Variants in PCDHA2 observed in about 807,000 individuals in gnomAD.
PCDHA2 encodes protocadherin alpha 2.
PCDHA2 carries 58 observed loss-of-function variants against 66.0 expected under a neutral mutation model. The observed-to-expected ratio is 0.88, with a 90% CI of 0.71 to 1.09. PCDHA2 has a LOEUF of 1.09. Among genes scored for constraint, PCDHA2 ranks in the 50% least tolerant of loss-of-function variants. The probability of loss-of-function intolerance (pLI) is 0.00; values close to 1 mark genes in which losing one functional copy is unlikely to be tolerated. For missense variants in PCDHA2, 1,267 were observed against 1,242.3 expected (o/e 1.02, Z -0.30); for synonymous variants, 634 against 554.0 (o/e 1.14, Z -2.03).
rs2150150437 is a variant in PCDHA2, at chr5:140,828,053, G to A, written c.2388+30701G>A. ...ACATACAGTATTTTATCTTTATGCG[G>A]AAGATCTTCTAATGGAAATAAAACC... On this transcript the variant is annotated intron_variant, in intron 1 of 3. Transcript: ENST00000526136. 4,837 of 1,547,680 alleles carry A rather than the reference G, an allele frequency of 3.1e-3. 12 individuals are homozygous for A. The highest frequency in any genetic ancestry group is 4.7e-3 in the Admixed American group (229 of 48,892).
At position 140,998,856 on chromosome 5, in the gene PCDHA2, C is replaced by T. The variant is rs77103467; in HGVS notation, c.2537-10771C>T. 2.6e-3 allele frequency among the ~76,000 whole-genome samples: 397 copies of T among 152,354 alleles called. 2 individuals carry two copies. Among genetic ancestry groups the T allele is most frequent in the African/African-American group, 9.1e-3 (380 of 41,584 alleles). ...TGGATTACTGGTGTGAGCCACATGC[C>T]TGGCCTTGTAAATAATAAGTTTAGT... On this transcript the variant is annotated intron_variant, in intron 3 of 3. Coordinates refer to ENST00000526136, the MANE Select transcript of PCDHA2 (RefSeq NM_018905.3).
intron 1 of PCDHA2, chr5:140,875,560 C>G: frequency 6.2e-7 from 1 of 1,614,124 alleles, no homozygotes; most frequent in Non-Finnish European, 8.5e-7. Context: ...GGGGAGCGGC[C>G]AGCTCCACTA....
intron 1 of PCDHA2, chr5:140,870,270 G>C (rs139719896): frequency 0.022 from 34,719 of 1,614,158 alleles, 446 homozygotes; most frequent in African/African-American, 0.029. Flanking sequence ...GCTCGCTGAC[G>C]CCCCACGTTC....
At position 140,881,209 on chromosome 5, in the gene PCDHA2, G is replaced by C. The variant is rs74494049; in HGVS notation, c.2388+83857G>C. The C allele has an allele frequency of 3.6e-3, 703 of 194,982 alleles. 1 individual carries two copies. The highest frequency in any genetic ancestry group is 0.016 in the African/African-American group (679 of 42,430). 12.1% of individuals were successfully genotyped at this position (194,982 alleles called of 1,614,324 possible). On this transcript the variant is annotated intron_variant, in intron 1 of 3. Transcript: ENST00000526136. Reference sequence around the variant, plus strand: ...GATATGTTAACATCTTTGTCTAGCTGTTGTTTCTTGGAAAATTAAAGTCAA... The same window carrying C: ...GATATGTTAACATCTTTGTCTAGCTCTTGTTTCTTGGAAAATTAAAGTCAA...
In PCDHA2 at chr5:140,973,293, A is replaced by G. The variant is rs150966135; in HGVS notation, c.2389-5656A>G. Among the ~76,000 whole-genome samples, 103 of 152,230 alleles carry G rather than the reference A, an allele frequency of 6.8e-4. No homozygotes were observed. The East Asian group carries it at 0.019, about 27-fold the overall frequency. On this transcript the variant is annotated intron_variant, in intron 1 of 3. Transcript: ENST00000526136. ...TATTTCCCCCAGCACTGATTTTTCT[A>G]TCTGATGACTCTATCCTGGAACAGA...
intron 1 of PCDHA2, among the ~76,000 whole-genome samples, chr5:140,893,672 T>G (rs1554185735): frequency 6.6e-6 from 1 of 152,216 alleles, no homozygotes; most frequent in African/African-American, 2.4e-5. Flanking sequence ...ATTTCAGCAC[T>G]TTGGATATAT....
chr5:140,982,696 A>G lies in PCDHA2; in HGVS notation c.2536+133A>G. ...GTTATTCCCTTTTTTCCATACATAC[A>G]TGATTTCCTTACATATATGATTATT... On this transcript the variant is annotated intron_variant, in intron 3 of 3. Transcript: ENST00000526136. 2.9e-6 allele frequency: 4 copies of G among 1,397,036 alleles called. No individual in the cohort carries two copies. The East Asian group carries it at 7.6e-5, about 27-fold the overall frequency. 86.5% of individuals were successfully genotyped at this position (1,397,036 alleles called of 1,614,324 possible). A position where few individuals can be genotyped will look rare whatever the true frequency, so the allele number is the denominator to read the frequency against.
chr5:140,953,093 A>T (rs2153698233), intron 1 of PCDHA2, among the ~76,000 whole-genome samples: 1 of 152,346 alleles, frequency 6.6e-6, no homozygotes, highest in East Asian at 1.9e-4. Flanking sequence ...TTACAATTTG[A>T]CATGAGATTT....
At position 140,828,141 on chromosome 5, in the gene PCDHA2, C is replaced by T. The variant is rs2150151318; in HGVS notation, c.2388+30789C>T. 8.7e-6 allele frequency: 14 copies of T among 1,613,956 alleles called. No individual in the cohort carries two copies. In the South Asian group the frequency reaches 1.4e-4, roughly 16 times the overall value. On this transcript the variant is annotated intron_variant, in intron 1 of 3. Coordinates refer to ENST00000526136, the MANE Select transcript of PCDHA2 (RefSeq NM_018905.3). ...TTGGGAAAGCAATGTCTGCTCCTCC[C>T]GCTTCTGCTCCTCGCAGCCTGGAAG...
intron 1 of PCDHA2, among the ~76,000 whole-genome samples, chr5:140,840,434 G>A (rs1349807870): frequency 6.6e-6 from 1 of 151,928 alleles, no homozygotes; most frequent in Non-Finnish European, 1.5e-5. Flanking sequence ...GTTTAAAGCC[G>A]TGGAAATAGA....
chr5:140,822,242 C>T (rs1393571238), intron 1 of PCDHA2: 2 of 1,614,038 alleles, frequency 1.2e-6, no homozygotes, highest in Non-Finnish European at 1.7e-6. Context: ...CTAGAGGGCG[C>T]GTCGGATTTG....
intron 1 of PCDHA2, chr5:140,870,827 C>T (rs782048793): frequency 8.1e-6 from 13 of 1,613,648 alleles, no homozygotes; most frequent in Non-Finnish European, 9.3e-6. Context: ...GCGGGAGGCG[C>T]AGTTAACAAG....
intron 3 of PCDHA2, chr5:140,988,797 AT>A (rs1481469131): frequency 2.0e-5 from 3 of 152,116 alleles, no homozygotes; most frequent in African/African-American, 7.2e-5. Context: ...TAATAGAAGA[AT>A]TTCTTCCGTA....
rs1417036031 is a variant in PCDHA2, at chr5:140,855,830, G to A, written c.2388+58478G>A. On this transcript the variant is annotated intron_variant, in intron 1 of 3. Coordinates refer to ENST00000526136, the MANE Select transcript of PCDHA2 (RefSeq NM_018905.3). Reference sequence around the variant, plus strand: ...AGAAAAGTTGTGAACTCATGGAATCGTACTTACACCTAAAGCCACCGGATG... The same window carrying A: ...AGAAAAGTTGTGAACTCATGGAATCATACTTACACCTAAAGCCACCGGATG... The A allele has an allele frequency of 5.8e-5, 33 of 567,192 alleles. 2 individuals carry two copies. Among genetic ancestry groups the A allele is most frequent in the Non-Finnish European group, 9.5e-5 (31 of 325,120 alleles). The allele number at this position is 567,192 out of a possible 1,614,324, so 35.1% of individuals were successfully genotyped here.
chr5:140,927,209 A>G, intron 1 of PCDHA2: 2 of 1,614,092 alleles, frequency 1.2e-6, no homozygotes, highest in Non-Finnish European at 1.7e-6. Context: ...GACCCGCTGG[A>G]GCTGCACAAG....
chr5:140,899,225 A>C (rs1479429839), intron 1 of PCDHA2, among the ~76,000 whole-genome samples: 1 of 152,038 alleles, frequency 6.6e-6, no homozygotes, highest in African/African-American at 2.4e-5. Context: ...TTCCAACACT[A>C]TGTTGAATAG....
intron 1 of PCDHA2, chr5:140,860,073 G>A (rs1441059020): frequency 4.0e-5 from 6 of 151,782 alleles, no homozygotes; most frequent in African/African-American, 1.5e-4. Flanking sequence ...AGGATGGTTT[G>A]AGGCCAGGAG....
At chr5:140,849,350 T>C in intron 1 of PCDHA2, 1 of 1,437,842 alleles carries the variant, frequency 7.0e-7, no homozygotes, top group Non-Finnish European at 9.5e-7. Flanking sequence ...CCAGTGATGT[T>C]TCTCCAGATA....
chr5:140,844,834 C>T (rs1554140741), intron 1 of PCDHA2, among the ~76,000 whole-genome samples: 1 of 149,116 alleles, frequency 6.7e-6, no homozygotes, highest in Non-Finnish European at 1.5e-5. Context: ...TACACGTTTG[C>T]TTCTTGTGAC....
Sources: allele counts gnomAD v4.1 joint callset (sites outside exome capture counted in the v4.1 genomes callset), GRCh38; gene constraint gnomAD v4.1.1; transcripts MANE v1.5; gene names NCBI Gene and HGNC (gene_info 2026-07-23, HGNC 2026-07-21).